Variants in CD34 observed in about 807,000 individuals in gnomAD.
The protein encoded by CD34 is CD34 molecule.
CD34 carries 34 observed loss-of-function variants against 40.1 expected under a neutral mutation model. That is an observed-to-expected ratio of 0.85 (90% CI 0.65 to 1.13). The LOEUF (loss-of-function observed/expected upper bound fraction) is 1.13, where lower values mean the gene tolerates loss of function less well. CD34 is among the 50% of genes most tolerant of loss of function. The pLI, the probability that CD34 is intolerant of heterozygous loss-of-function variation, is 0.00. For missense variants in CD34, 426 were observed against 466.9 expected (o/e 0.91, Z 0.81); for synonymous variants, 209 against 190.0 (o/e 1.10, Z -0.82).
At chr1:207,897,916 C>T (rs1300187312) in intron 3 of CD34, among the ~76,000 whole-genome samples, 2 of 152,180 alleles carry the variant, frequency 1.3e-5, no homozygotes, top group East Asian at 1.9e-4. Context: ...CAGTCAATCA[C>T]AAACTTGCAG....
Position 207,882,744 on chromosome 1 carries a change from T to C in CD34, c.*4994A>G, listed in dbSNP as rs1394680242. On this transcript the variant is annotated 3_prime_UTR_variant, in exon 8 of 8. Transcript: ENST00000310833. ...CACTTTGCTCCTGGGACAAGGCTTC[T>C]TCCTCTCTCGGGAACACCCATATCT... The C allele has an allele frequency of 6.6e-6, 1 of 152,228 alleles. No homozygotes were observed. Among genetic ancestry groups the C allele is most frequent in the Non-Finnish European group, 1.5e-5 (1 of 68,074 alleles). The allele number at this position is 152,228 out of a possible 1,614,324, so 9.4% of individuals were successfully genotyped here.
At chr1:207,892,448 G>C (rs2473652) in intron 4 of CD34, among the ~76,000 whole-genome samples, 1 of 151,810 alleles carries the variant, frequency 6.6e-6, no homozygotes, top group African/African-American at 2.4e-5. Flanking sequence ...GCATGGTGGT[G>C]GGCATCTGTA....
Position 207,886,492 on chromosome 1 carries a change from C to T in CD34, c.*1246G>A, listed in dbSNP as rs1414553680. 1.3e-5 allele frequency: 2 copies of T among 152,320 alleles called. No individual in the cohort carries two copies. The highest frequency in any genetic ancestry group is 2.9e-5 in the Non-Finnish European group (2 of 68,064). 9.4% of individuals were successfully genotyped at this position (152,320 alleles called of 1,614,324 possible). A position where few individuals can be genotyped will look rare whatever the true frequency, so the allele number is the denominator to read the frequency against. ...TAGCTAGGTCTAATGGAGGGTGTCA[C>T]TCTTGCATGCAGACACACCCAGCTA... On this transcript the variant is annotated 3_prime_UTR_variant, in exon 8 of 8. Coordinates refer to ENST00000310833, the MANE Select transcript of CD34 (RefSeq NM_001025109.2).
chr1:207,901,478 C>T (rs1388809526), intron 1 of CD34, among the ~76,000 whole-genome samples: 2 of 152,180 alleles, frequency 1.3e-5, no homozygotes, highest in African/African-American at 4.8e-5. Flanking sequence ...GTGCTTAAGC[C>T]TGTGGGTGGG....
intron 4 of CD34, chr1:207,890,338 C>T (rs763570676): frequency 1.5e-4 from 80 of 544,456 alleles, no homozygotes; most frequent in Non-Finnish European, 1.8e-4. Context: ...TCAGAGTGTC[C>T]TCCTCCCCTG....
intron 4 of CD34, among the ~76,000 whole-genome samples, chr1:207,891,584 G>A (rs1001173242): frequency 1.3e-5 from 2 of 151,926 alleles, no homozygotes; most frequent in African/African-American, 4.8e-5. Flanking sequence ...TTGGGGGGCT[G>A]AGGTGGGAGG....
intron 1 of CD34, among the ~76,000 whole-genome samples, chr1:207,902,847 G>A (rs1279624043): frequency 6.6e-6 from 1 of 152,192 alleles, no homozygotes; most frequent in Non-Finnish European, 1.5e-5. Flanking sequence ...ACCCAAGCCA[G>A]CTACTGACCC....
intron 4 of CD34, chr1:207,890,037 G>A (rs1661999888): frequency 7.3e-7 from 1 of 1,374,758 alleles, no homozygotes; most frequent in East Asian, 3.0e-5. Flanking sequence ...GCCAAGGGAG[G>A]TGAGGAGGAG....
intron 1 of CD34, 73 bp downstream of exon 1, chr1:207,910,929 G>A: frequency 7.0e-7 from 1 of 1,427,004 alleles, no homozygotes; most frequent in Non-Finnish European, 9.6e-7. Flanking sequence ...CTGCTCTGCT[G>A]TTCAGCCTCC....
At chr1:207,902,429 C>T (rs1205559095) in intron 1 of CD34, among the ~76,000 whole-genome samples, 1 of 152,204 alleles carries the variant, frequency 6.6e-6, no homozygotes, top group Non-Finnish European at 1.5e-5. Flanking sequence ...TAAATTGATG[C>T]AGAAGCCAAT....
Position 207,906,844 on chromosome 1 carries a change from CAAAT to C in CD34, c.79+4154_79+4157del, listed in dbSNP as rs10687613. Among the ~76,000 whole-genome samples, 242 of 148,610 alleles carry C rather than the reference CAAAT, an allele frequency of 1.6e-3. 2 individuals carry two copies. Among genetic ancestry groups the C allele is most frequent in the East Asian group, 4.6e-3 (23 of 4,962 alleles). ...GAGCAACAAGAGAGAAACTTCTTCTCAAATAAATAAATAAATAAATAAATAAATA... is the reference window on the plus strand; with the variant it reads ...GAGCAACAAGAGAGAAACTTCTTCTCAAATAAATAAATAAATAAATAAATA... On this transcript the variant is annotated intron_variant, in intron 1 of 7. Coordinates refer to ENST00000310833, the MANE Select transcript of CD34 (RefSeq NM_001025109.2).
intron 7 of CD34, 65 bp from the exon 8 acceptor site, chr1:207,887,988 A>T: frequency 1.8e-6 from 2 of 1,085,664 alleles, no homozygotes; most frequent in Non-Finnish European, 2.3e-6. Flanking sequence ...TGGATGGGAG[A>T]GGGGCCCAAA....
At chr1:207,910,840 T>C (rs1662495161) in intron 1 of CD34, among the ~76,000 whole-genome samples, 162 bp downstream of exon 1, 2 of 137,656 alleles carry the variant, frequency 1.5e-5, no homozygotes, top group African/African-American at 5.5e-5. Context: ...AGCTCCCAGG[T>C]GAGGCGCTGG....
At chr1:207,889,110 GC>G in intron 6 of CD34, 50 bp downstream of exon 6, 4 of 1,120,040 alleles carry the variant, frequency 3.6e-6, no homozygotes, top group Non-Finnish European at 5.5e-6. Flanking sequence ...ACTCCAGGGA[GC>G]CCCCCTGCCC....
At chr1:207,895,088 A>G (rs766534702) in intron 4 of CD34, among the ~76,000 whole-genome samples, 2 of 152,242 alleles carry the variant, frequency 1.3e-5, no homozygotes, top group Non-Finnish European at 2.9e-5. Flanking sequence ...GAGGCTCCCA[A>G]CATTAGAACC....
intron 4 of CD34, among the ~76,000 whole-genome samples, chr1:207,891,667 G>A (rs1364757824): frequency 1.3e-5 from 2 of 151,652 alleles, no homozygotes; most frequent in African/African-American, 4.8e-5. Flanking sequence ...CAAAAATAAA[G>A]AAATAAAAAA....
intron 1 of CD34, among the ~76,000 whole-genome samples, chr1:207,909,609 A>G (rs1244543863): frequency 2.0e-5 from 3 of 151,980 alleles, no homozygotes; most frequent in Non-Finnish European, 2.9e-5. Context: ...GGGTTTCACC[A>G]TGTTGGCCAG....
In CD34 at chr1:207,888,817, A is replaced by G; in HGVS notation, c.837T>C (p.Asp279=). 1.2e-6 allele frequency: 2 copies of G among 1,614,178 alleles called. No individual in the cohort carries two copies. The highest frequency in any genetic ancestry group is 8.5e-7 in the Non-Finnish European group (1 of 1,180,024). Reference sequence around the variant, plus strand: ...GGGAATAGCTCTGGTGGCTTGCAACATCTTGCTCAGTGAAATCTAGGATCC... The same window carrying G: ...GGGAATAGCTCTGGTGGCTTGCAACGTCTTGCTCAGTGAAATCTAGGATCC... ...KLGILDFTEQ[D]VASHQSYSQK... The change falls in exon 7 of 8, where the codon GAT becomes GAC. Residue 279 remains aspartate, a synonymous_variant. Transcript: ENST00000310833.
intron 1 of CD34, among the ~76,000 whole-genome samples, chr1:207,908,037 G>T (rs556388409): frequency 1.3e-5 from 2 of 152,324 alleles, no homozygotes; most frequent in Non-Finnish European, 2.9e-5. Context: ...AGTAAACCCA[G>T]GCCCTCCAGC....
Sources: gnomAD v4.1 joint callset for allele counts (sites outside exome capture counted in the v4.1 genomes callset) on GRCh38, gnomAD v4.1.1 for gene constraint, MANE v1.5 for transcripts, NCBI Gene and HGNC (gene_info 2026-07-23, HGNC 2026-07-21) for gene names.